The following LIMS1 variants were observed in gnomAD, a reference collection of about 807,000 sequenced individuals.
LIMS1 encodes LIM zinc finger domain containing 1, also known as LIM and senescent cell antigen-like-containing domain protein 1.
In LIMS1, 18 loss-of-function variants were observed where a neutral mutation model predicts 44.1. The ratio of observed to expected loss-of-function variants is 0.41; its 90% CI spans 0.28 to 0.61. The LOEUF (loss-of-function observed/expected upper bound fraction) is 0.61. LIMS1 is among the 20% of genes least tolerant of loss of function. The probability of loss-of-function intolerance (pLI) is 0.32; values close to 1 mark genes in which losing one functional copy is unlikely to be tolerated. For missense variants in LIMS1, 201 were observed against 422.0 expected, an observed-to-expected ratio of 0.48 and a Z score of 4.59; for synonymous variants, 93 against 149.1, an observed-to-expected ratio of 0.62 and a Z score of 2.74.
intron 1 of LIMS1, chr2:108,659,212 TG>T (rs1252659704): frequency 1.2e-6 from 1 of 854,778 alleles, no homozygotes; most frequent in African/African-American, 1.8e-5. Context: ...GGAAAGAAAC[TG>T]GCCTTGAGAT....
At chr2:108,541,002 C>T (rs1020328906) in intron 1 of LIMS1, among the ~76,000 whole-genome samples, 2 of 152,208 alleles carry the variant, frequency 1.3e-5, no homozygotes, top group Non-Finnish European at 2.9e-5. Context: ...TTGGAAATGT[C>T]TGAATGAATT....
chr2:108,682,756 A>G (rs1425000005), intron 9 of LIMS1, among the ~76,000 whole-genome samples: 1 of 152,322 alleles, frequency 6.6e-6, no homozygotes, highest in African/African-American at 2.4e-5. Context: ...AGCAAAGTCT[A>G]GTTTAATATA....
At chr2:108,589,738 A>G (rs1686286571) in intron 1 of LIMS1, among the ~76,000 whole-genome samples, 1 of 151,898 alleles carries the variant, frequency 6.6e-6, no homozygotes, top group African/African-American at 2.4e-5. Flanking sequence ...TTTTTTATAT[A>G]TCTCCTTTAT....
At chr2:108,676,509 T>G (rs763009062) in intron 6 of LIMS1, 97 bp from the exon 7 acceptor site, 17 of 1,420,420 alleles carry the variant, frequency 1.2e-5, no homozygotes, top group East Asian at 2.5e-5. Context: ...TCTCAAACTT[T>G]CCTTCATCTT....
intron 5 of LIMS1, among the ~76,000 whole-genome samples, chr2:108,675,378 A>ACCCACCCCCTCAGTAACAGCGTTAATC (rs1692464325): frequency 6.6e-6 from 1 of 152,094 alleles, no homozygotes; most frequent in African/African-American, 2.4e-5. Context: ...TTTATAAGGA[A>ACCCACCCCCTCAGTAACAGCGTTAATC]CCCACCCCCT....
chr2:108,644,880 A>G (rs977272272), intron 1 of LIMS1, among the ~76,000 whole-genome samples: 5 of 151,904 alleles, frequency 3.3e-5, no homozygotes, highest in African/African-American at 9.7e-5. Flanking sequence ...CAAGTCGATC[A>G]AGCAGAAGAA....
chr2:108,650,825 T>G (rs373735489), intron 1 of LIMS1, among the ~76,000 whole-genome samples: 1 of 151,926 alleles, frequency 6.6e-6, no homozygotes, highest in Non-Finnish European at 1.5e-5. Context: ...ATGTACTGTA[T>G]AGTCATAGAA....
chr2:108,570,223 G>A (rs1423651695), intron 1 of LIMS1, among the ~76,000 whole-genome samples: 3 of 152,122 alleles, frequency 2.0e-5, no homozygotes, highest in Non-Finnish European at 4.4e-5. Flanking sequence ...TTGAGGTTAG[G>A]AGTTCAAGAC....
intron 2 of LIMS1, among the ~76,000 whole-genome samples, chr2:108,667,420 G>T (rs1257040502): frequency 3.9e-5 from 6 of 151,938 alleles, no homozygotes; most frequent in African/African-American, 9.7e-5. Context: ...AACGCAGGCA[G>T]TCTGGATCCA....
intron 1 of LIMS1, among the ~76,000 whole-genome samples, chr2:108,615,360 T>G (rs1442598788): frequency 6.6e-6 from 1 of 152,160 alleles, no homozygotes; most frequent in African/African-American, 2.4e-5. Flanking sequence ...TATTTTGCCC[T>G]CAGGGAGGAA....
In LIMS1 at chr2:108,682,478, C is replaced by T. The variant is rs189107913; in HGVS notation, c.900-1407C>T. On this transcript the variant is annotated intron_variant, in intron 9 of 9. Coordinates refer to ENST00000544547, the Ensembl canonical transcript of LIMS1. ...TCGTGCCACTGCATTCCACCCTGGG[C>T]GACAGAGTGAGACTCTGTCTCAAAA... Among the ~76,000 whole-genome samples, 19 of 151,996 alleles carry T rather than the reference C, an allele frequency of 1.3e-4. No individual in the cohort carries two copies. The East Asian group carries it at 3.7e-3, about 29-fold the overall frequency.
rs540163629 is a variant in LIMS1, at chr2:108,544,752, C to T, written c.32+10158C>T. Among the ~76,000 whole-genome samples, 13 of 152,284 alleles carry T rather than the reference C, an allele frequency of 8.5e-5. No homozygotes were observed. In the South Asian group the frequency reaches 1.7e-3, roughly 19 times the overall value. On this transcript the variant is annotated intron_variant, in intron 1 of 9. Transcript: ENST00000544547. ...TCAGGTCATCCACCCACTTTGGCCT[C>T]CCAAAGTGCTAGGATTACAGGTGTG...
At chr2:108,650,007 C>G (rs1690351392) in intron 1 of LIMS1, among the ~76,000 whole-genome samples, 1 of 152,114 alleles carries the variant, frequency 6.6e-6, no homozygotes. Flanking sequence ...AAGAAAAACG[C>G]CCTTAGGGAA....
intron 1 of LIMS1, among the ~76,000 whole-genome samples, chr2:108,612,013 T>C: frequency 1.5e-5 from 1 of 66,726 alleles, no homozygotes; most frequent in Non-Finnish European, 3.4e-5. Flanking sequence ...CACACATATA[T>C]ATATACACAC....
chr2:108,673,194 T>C, intron 5 of LIMS1, 165 bp downstream of exon 5: 4 of 1,094,472 alleles, frequency 3.7e-6, no homozygotes, highest in African/African-American at 3.2e-5. Context: ...GAAACCTGTA[T>C]ACACTTAATT....
chr2:108,561,628 C>T (rs1004812117), intron 1 of LIMS1, among the ~76,000 whole-genome samples: 4 of 152,202 alleles, frequency 2.6e-5, no homozygotes, highest in East Asian at 1.9e-4. Context: ...GCCATTTTTC[C>T]AACAGCATGT....
intron 1 of LIMS1, among the ~76,000 whole-genome samples, chr2:108,566,298 T>C (rs1193658299): frequency 6.6e-6 from 1 of 152,202 alleles, no homozygotes; most frequent in Non-Finnish European, 1.5e-5. Context: ...GTAAGCTGCT[T>C]TGATGAGGGT....
At chr2:108,582,029 C>A (rs1353362568) in intron 1 of LIMS1, among the ~76,000 whole-genome samples, 2 of 151,938 alleles carry the variant, frequency 1.3e-5, no homozygotes, top group Non-Finnish European at 2.9e-5. Flanking sequence ...AAGTTGGGGA[C>A]TTCTTTGATT....
intron 1 of LIMS1, among the ~76,000 whole-genome samples, chr2:108,545,805 C>T (rs1163207766): frequency 6.6e-6 from 1 of 152,174 alleles, no homozygotes; most frequent in East Asian, 1.9e-4. Context: ...TATTTTACCT[C>T]ACAGGCTGTA....
Sources: gnomAD v4.1 joint callset for allele counts (sites outside exome capture counted in the v4.1 genomes callset) on GRCh38, gnomAD v4.1.1 for gene constraint, MANE v1.5 for transcripts, NCBI Gene and HGNC (gene_info 2026-07-23, HGNC 2026-07-21) for gene names.